FAM83F: variants seen among roughly 807,000 people sequenced by gnomAD.
FAM83F encodes the protein scaffolding CK1 anchoring protein F, also known as protein FAM83F.
A neutral mutation model predicts 42.9 loss-of-function variants in FAM83F; 45 were observed. That is an observed-to-expected ratio of 1.05 (90% CI 0.83 to 1.35). The LOEUF is 1.35. FAM83F is among the 40% of genes most tolerant of loss of function. FAM83F has a pLI of 0.00. For missense variants in FAM83F, 617 were observed against 695.9 expected (o/e 0.89, Z 1.28); for synonymous variants, 306 against 298.3 (o/e 1.03, Z -0.27).
At chr22:40,012,917 CAA>C (rs141904019) in intron 1 of FAM83F, among the ~76,000 whole-genome samples, 15 of 109,620 alleles carry the variant, frequency 1.4e-4, no homozygotes, top group Non-Finnish European at 1.2e-4. Context: ...ACTAAAAATA[CAA>C]AAAAAAAAAA....
chr22:40,029,625 G>A lies in FAM83F; in HGVS notation c.*60G>A, dbSNP rs2146246580. On this transcript the variant is annotated 3_prime_UTR_variant, in exon 5 of 5. Transcript: ENST00000333407. ...CCTGCCTGCCCTGCCCTGTGCTGTG[G>A]AGAGCGCAGGTCGCACACTGCACCA... The A allele has an allele frequency of 1.3e-6, 2 of 1,583,998 alleles. No individual in the cohort carries two copies. The highest frequency in any genetic ancestry group is 1.8e-5 in the Admixed American group (1 of 56,276).
rs199666086 is a variant in FAM83F at position 40,025,378 on chromosome 22, C to A, written c.1453+3415C>A. Reference sequence around the variant, plus strand: ...AGGCTGCAGTCAGCTGTGATTGTGCCACTGCACTCCAGTCTGGACGACAGA... The same window carrying A: ...AGGCTGCAGTCAGCTGTGATTGTGCAACTGCACTCCAGTCTGGACGACAGA... On this transcript the variant is annotated intron_variant, in intron 4 of 4. Coordinates refer to ENST00000333407, the MANE Select transcript of FAM83F (RefSeq NM_138435.4). Among the ~76,000 whole-genome samples the A allele has an allele frequency of 2.6e-5, 4 of 152,086 alleles. No homozygotes were observed. The East Asian group carries it at 7.7e-4, about 29-fold the overall frequency.
rs777909203 is a variant in FAM83F at position 40,032,522 on chromosome 22, T to C, written c.*2957T>C. On this transcript the variant is annotated 3_prime_UTR_variant, in exon 5 of 5. Transcript: ENST00000333407. The stretch of plus-strand genomic sequence containing the variant: ...AGGCAAAAAATGAGACCCAGAGATA[T>C]GGAAGAAACTGGCCAAAGAGGGGAA... 1.3e-5 allele frequency: 2 copies of C among 152,124 alleles called. No homozygotes were observed. The highest frequency in any genetic ancestry group is 2.9e-5 in the Non-Finnish European group (2 of 68,066). 9.4% of individuals were successfully genotyped at this position (152,124 alleles called of 1,614,324 possible). A position where few individuals can be genotyped will look rare whatever the true frequency, so the allele number is the denominator to read the frequency against.
chr22:40,017,336 G>A (rs1428459454), intron 1 of FAM83F, among the ~76,000 whole-genome samples: 3 of 151,060 alleles, frequency 2.0e-5, no homozygotes, highest in Non-Finnish European at 4.4e-5. Flanking sequence ...TGCAATGAGC[G>A]ATTCTCCTGC....
rs1340162684 is a variant in FAM83F at position 40,042,333 on chromosome 22, G to A, written c.*12768G>A. On this transcript the variant is annotated 3_prime_UTR_variant, in exon 5 of 5. Coordinates refer to ENST00000333407, the MANE Select transcript of FAM83F (RefSeq NM_138435.4). The stretch of plus-strand genomic sequence containing the variant: ...AGGCCTTTATGGACAAAGATTCTAA[G>A]AAGAACAGGCTTTGGCCATCTCTGG... 1 of 152,232 alleles carries A rather than the reference G, an allele frequency of 6.6e-6. No homozygotes were observed. Among genetic ancestry groups the A allele is most frequent in the Non-Finnish European group, 1.5e-5 (1 of 68,040 alleles). The allele number at this position is 152,232 out of a possible 1,614,324, so 9.4% of individuals were successfully genotyped here.
In FAM83F at chr22:40,023,040, G is replaced by A. The variant is rs1488504389; in HGVS notation, c.1453+1077G>A. On this transcript the variant is annotated intron_variant, in intron 4 of 4. Transcript: ENST00000333407. The surrounding 1 kb of genome is among the most constrained non-coding windows in gnomAD (Gnocchi z 4.1). ...TCTTGGAGTTGGAACAGGCCTGGGC[G>A]CCTCTGTGGCTGTGGGCACAGTGGG... Among the ~76,000 whole-genome samples the A allele has an allele frequency of 1.3e-5, 2 of 152,222 alleles. No homozygotes were observed. Among genetic ancestry groups the A allele is most frequent in the Non-Finnish European group, 2.9e-5 (2 of 68,042 alleles).
rs1177016677 is a variant in FAM83F at position 40,042,005 on chromosome 22, C to T, written c.*12440C>T. On this transcript the variant is annotated 3_prime_UTR_variant, in exon 5 of 5. Coordinates refer to ENST00000333407, the MANE Select transcript of FAM83F (RefSeq NM_138435.4). The stretch of plus-strand genomic sequence containing the variant: ...TCCCAAGTAGCTGGGACTGTAGGCG[C>T]AGGCCACCATGCGCAACTATTTATT... 3 of 152,022 alleles carry T rather than the reference C, an allele frequency of 2.0e-5. No individual in the cohort carries two copies. The highest frequency in any genetic ancestry group is 7.2e-5 in the African/African-American group (3 of 41,382). 9.4% of individuals were successfully genotyped at this position (152,022 alleles called of 1,614,324 possible).
At chr22:40,002,347 T>C (rs2067406812) in intron 1 of FAM83F, among the ~76,000 whole-genome samples, 1 of 152,182 alleles carries the variant, frequency 6.6e-6, no homozygotes, top group South Asian at 2.1e-4. Flanking sequence ...ATCATTGCCT[T>C]GGGCTGTGTT....
intron 1 of FAM83F, among the ~76,000 whole-genome samples, chr22:40,016,200 T>TG (rs753115902): frequency 0.27 from 41,484 of 151,846 alleles, 5,870 homozygotes; most frequent in South Asian, 0.41. Flanking sequence ...TTGTTGTTGT[T>TG]TTTTTATTTT....
At chr22:40,010,231 C>T (rs555995501) in intron 1 of FAM83F, 1 of 151,488 alleles carries the variant, frequency 6.6e-6, no homozygotes, top group South Asian at 2.1e-4. Context: ...TTTTTAAACC[C>T]GATTTTCCAT....
Position 39,995,038 on chromosome 22 carries a change from G to T in FAM83F, c.-5G>T. 7.9e-7 allele frequency: 1 copy of T among 1,270,458 alleles called. No individual in the cohort carries two copies. Among genetic ancestry groups the T allele is most frequent in the Non-Finnish European group, 9.9e-7 (1 of 1,010,980 alleles). The allele number at this position is 1,270,458 out of a possible 1,614,324, so 78.7% of individuals were successfully genotyped here. A position where few individuals can be genotyped will look rare whatever the true frequency, so the allele number is the denominator to read the frequency against. ...GGCCAGGGCCGGGGCCGGGGCCGGG[G>T]CGCCATGGCCGAGTCCCAGCTGAAC... is the stretch of plus-strand genomic sequence containing the variant. On this transcript the variant is annotated 5_prime_UTR_variant, in exon 1 of 5. Coordinates refer to ENST00000333407, the MANE Select transcript of FAM83F (RefSeq NM_138435.4). This position sits in a 1 kb window ranked among gnomAD's most constrained non-coding sequence, Gnocchi z 4.6.
intron 1 of FAM83F, among the ~76,000 whole-genome samples, chr22:40,007,667 TCTC>T (rs146580418): frequency 0.014 from 1,740 of 126,732 alleles, 40 homozygotes; most frequent in African/African-American, 0.051. Flanking sequence ...TTTCCTCTCC[TCTC>T]CTCCTCATTT....
rs1372407993 is a variant in FAM83F, at chr22:40,037,753, C to G, written c.*8188C>G. ...CTTTTTTTTTAAGAGATGGGGGTCT[C>G]TGTTGCCAGGTTGGAGTGCAATGAC... On this transcript the variant is annotated 3_prime_UTR_variant, in exon 5 of 5. Coordinates refer to ENST00000333407, the MANE Select transcript of FAM83F (RefSeq NM_138435.4). The G allele has an allele frequency of 1.3e-5, 2 of 152,200 alleles. No individual in the cohort carries two copies. The highest frequency in any genetic ancestry group is 2.4e-5 in the African/African-American group (1 of 41,432). 9.4% of individuals were successfully genotyped at this position (152,200 alleles called of 1,614,324 possible). A position where few individuals can be genotyped will look rare whatever the true frequency, so the allele number is the denominator to read the frequency against.
intron 3 of FAM83F, 141 bp downstream of exon 3, chr22:40,020,149 C>G (rs1441102533): frequency 8.1e-7 from 1 of 1,231,640 alleles, no homozygotes; most frequent in Non-Finnish European, 1.1e-6. Context: ...AGCTTTCTGC[C>G]CAGTCCCTTC....
rs571843149 is a variant in FAM83F, at chr22:40,042,101, A to G, written c.*12536A>G. 1 of 152,276 alleles carries G rather than the reference A, an allele frequency of 6.6e-6. No individual in the cohort carries two copies. The highest frequency in any genetic ancestry group is 1.5e-5 in the Non-Finnish European group (1 of 68,024). The allele number at this position is 152,276 out of a possible 1,614,324, so 9.4% of individuals were successfully genotyped here. ...AGTCTCAAGCTCCTGGCCTCAAGCAATCCTTCCGCCTTGGCCTCTCAAATT... is the reference window on the plus strand; with the variant it reads ...AGTCTCAAGCTCCTGGCCTCAAGCAGTCCTTCCGCCTTGGCCTCTCAAATT... On this transcript the variant is annotated 3_prime_UTR_variant, in exon 5 of 5. Coordinates refer to ENST00000333407, the MANE Select transcript of FAM83F (RefSeq NM_138435.4).
chr22:40,011,882 C>A (rs1014349319), intron 1 of FAM83F, among the ~76,000 whole-genome samples: 3 of 152,216 alleles, frequency 2.0e-5, no homozygotes, highest in African/African-American at 7.2e-5. Flanking sequence ...CAGGGGTGCA[C>A]GGCCAAGAGT....
At position 40,021,179 on chromosome 22, in the gene FAM83F, G is replaced by A. The variant is rs1462079559; in HGVS notation, c.780-111G>A. 18 of 1,264,300 alleles carry A rather than the reference G, an allele frequency of 1.4e-5. No homozygotes were observed. In the Admixed American group the frequency reaches 1.5e-4, roughly 10 times the overall value. The allele number at this position is 1,264,300 out of a possible 1,614,324, so 78.3% of individuals were successfully genotyped here. A position where few individuals can be genotyped will look rare whatever the true frequency, so the allele number is the denominator to read the frequency against. On this transcript the variant is annotated intron_variant, in intron 3 of 4. Transcript: ENST00000333407. The surrounding 1 kb of genome is among the most constrained non-coding windows in gnomAD (Gnocchi z 8.7). ...TCCAGCGTGTGGCCCACAAGGAGCCGTACACCTGCAGCAAGGGTCTGGCCA... is the reference window on the plus strand; with the variant it reads ...TCCAGCGTGTGGCCCACAAGGAGCCATACACCTGCAGCAAGGGTCTGGCCA...
In FAM83F at chr22:40,031,862, A is replaced by G. The variant is rs2067589755; in HGVS notation, c.*2297A>G. ...GAGATGGCAAGGATTTTGAACTCAC[A>G]AAATGCAGCTCTTCATGTTTGCCTG... On this transcript the variant is annotated 3_prime_UTR_variant, in exon 5 of 5. Coordinates refer to ENST00000333407, the MANE Select transcript of FAM83F (RefSeq NM_138435.4). 1.3e-5 allele frequency: 2 copies of G among 152,236 alleles called. No homozygotes were observed. The highest frequency in any genetic ancestry group is 2.9e-5 in the Non-Finnish European group (2 of 68,060). The allele number at this position is 152,236 out of a possible 1,614,324, so 9.4% of individuals were successfully genotyped here. A position where few individuals can be genotyped will look rare whatever the true frequency, so the allele number is the denominator to read the frequency against.
chr22:40,032,260 C>T lies in FAM83F; in HGVS notation c.*2695C>T, dbSNP rs368957643. 5 of 148,442 alleles carry T rather than the reference C, an allele frequency of 3.4e-5. No homozygotes were observed. In the East Asian group the frequency reaches 1.0e-3, roughly 31 times the overall value. 9.2% of individuals were successfully genotyped at this position (148,442 alleles called of 1,614,324 possible). On this transcript the variant is annotated 3_prime_UTR_variant, in exon 5 of 5. Coordinates refer to ENST00000333407, the MANE Select transcript of FAM83F (RefSeq NM_138435.4). ...ACAGCTGGTGCAGCTCTTTGGGAAA[C>T]CTAACCTCCCAGTGAGCTGAGCCCC...
Sources: allele counts gnomAD v4.1 joint callset (sites outside exome capture counted in the v4.1 genomes callset), GRCh38; gene constraint gnomAD v4.1.1; non-coding constraint Gnocchi (gnomAD v3.1); transcripts MANE v1.5; gene names NCBI Gene and HGNC (gene_info 2026-07-23, HGNC 2026-07-21).